Variants in NXPE2 observed in about 807,000 individuals in gnomAD.
The protein encoded by NXPE2 is neurexophilin and PC-esterase domain family member 2.
A neutral mutation model predicts 34.4 loss-of-function variants in NXPE2; 34 were observed. That is an observed-to-expected ratio of 0.99 (90% CI 0.75 to 1.31). The LOEUF is 1.31. Among genes scored for constraint, NXPE2 ranks in the 40% most tolerant of loss-of-function variants. The pLI, the probability that NXPE2 is intolerant of heterozygous loss-of-function variation, is 0.00. For missense variants in NXPE2, 649 were observed against 672.5 expected (o/e 0.97, Z 0.39); for synonymous variants, 235 against 231.3 (o/e 1.02, Z -0.15).
At chr11:114,642,420 C>T in the NXPE2 span, among the ~76,000 whole-genome samples, 1 of 151,944 alleles carries the variant, frequency 6.6e-6, no homozygotes, top group East Asian at 1.9e-4. Flanking sequence ...CTATCCCTCC[C>T]CACTCCCCCC....
chr11:114,704,053 G>C lies in NXPE2; in HGVS notation c.928+1G>C, dbSNP rs1951425117. ...CCCATTGAGGTCATACCATGCAACAGTAAGTCTGGAGTGTTGTTGTCTGCC... is the reference window on the plus strand; with the variant it reads ...CCCATTGAGGTCATACCATGCAACACTAAGTCTGGAGTGTTGTTGTCTGCC... On this transcript the variant is annotated splice_donor_variant, in intron 4 of 5. Transcript: ENST00000389586. LOFTEE classifies it high-confidence loss of function. 7 of 1,548,494 alleles carry C rather than the reference G, an allele frequency of 4.5e-6. No individual in the cohort carries two copies. Among genetic ancestry groups the C allele is most frequent in the Non-Finnish European group, 2.6e-6 (3 of 1,143,656 alleles).
intron 2 of NXPE2, among the ~76,000 whole-genome samples, chr11:114,697,447 G>A (rs867028079): frequency 4.6e-5 from 7 of 152,156 alleles, no homozygotes; most frequent in South Asian, 2.1e-4. Flanking sequence ...CTTGATCTCC[G>A]ACTTCTGGCC....
chr11:114,682,335 C>T (rs962989894), intron 2 of NXPE2, among the ~76,000 whole-genome samples: 2 of 152,144 alleles, frequency 1.3e-5, no homozygotes, highest in Non-Finnish European at 2.9e-5. Context: ...AGTGAACTTA[C>T]TTTATCTTTT....
At chr11:114,626,391 G>A in the NXPE2 span, among the ~76,000 whole-genome samples, 418 of 152,268 alleles carry the variant, frequency 2.7e-3, 3 homozygotes, top group Admixed American at 4.6e-3. Flanking sequence ...CAGCCTAACT[G>A]GGAGGCACCC....
At chr11:114,742,333 T>C in the NXPE2 span, among the ~76,000 whole-genome samples, 1 of 152,138 alleles carries the variant, frequency 6.6e-6, no homozygotes, top group Non-Finnish European at 1.5e-5. Flanking sequence ...ATGGAGTCCA[T>C]GGAATGGTTA....
At chr11:114,738,025 T>C in the NXPE2 span, among the ~76,000 whole-genome samples, 3 of 152,154 alleles carry the variant, frequency 2.0e-5, no homozygotes, top group South Asian at 2.1e-4. Flanking sequence ...GGGCGGAGGC[T>C]GCGGTGAGCC....
At chr11:114,778,231 A>C in the NXPE2 span, among the ~76,000 whole-genome samples, 2 of 152,284 alleles carry the variant, frequency 1.3e-5, no homozygotes, top group South Asian at 2.1e-4. Flanking sequence ...GAGTGTCCCA[A>C]ACAGAAGGAA....
the NXPE2 span, among the ~76,000 whole-genome samples, chr11:114,663,234 G>A: frequency 1.7e-4 from 26 of 152,108 alleles, no homozygotes; most frequent in African/African-American, 5.3e-4. Context: ...GGAAAAGAGG[G>A]GAGGACTGTG....
chr11:114,601,676 A>G, the NXPE2 span, among the ~76,000 whole-genome samples: 1 of 21,988 alleles, frequency 4.5e-5, no homozygotes, highest in East Asian at 1.2e-3. Flanking sequence ...ATATATTATA[A>G]TTATAGATTA....
chr11:114,550,532 T>C, the NXPE2 span, among the ~76,000 whole-genome samples: 9 of 152,236 alleles, frequency 5.9e-5, no homozygotes, highest in East Asian at 1.7e-3. Context: ...TGGAAAAAGT[T>C]AAATGAGATT....
chr11:114,499,760 T>C, the NXPE2 span, among the ~76,000 whole-genome samples: 1 of 152,178 alleles, frequency 6.6e-6, no homozygotes, highest in Non-Finnish European at 1.5e-5. Flanking sequence ...TGTTCTCTCA[T>C]GTCACCTTCC....
chr11:114,750,616 C>T, the NXPE2 span, among the ~76,000 whole-genome samples: 2 of 152,210 alleles, frequency 1.3e-5, no homozygotes, highest in Non-Finnish European at 2.9e-5. Context: ...TCTAGCCAAA[C>T]ATGACAAACA....
the NXPE2 span, among the ~76,000 whole-genome samples, chr11:114,469,804 C>G: frequency 1.3e-5 from 2 of 152,166 alleles, no homozygotes; most frequent in Admixed American, 1.3e-4. Flanking sequence ...TCCACCATTC[C>G]AAAAGTTTCC....
the NXPE2 span, among the ~76,000 whole-genome samples, chr11:114,644,121 G>A: frequency 2.6e-5 from 4 of 152,288 alleles, no homozygotes; most frequent in African/African-American, 9.6e-5. Flanking sequence ...CTGAGACTTT[G>A]CTGAAGTTGC....
the NXPE2 span, chr11:114,559,837 T>A: frequency 6.6e-6 from 1 of 152,414 alleles, no homozygotes; most frequent in Non-Finnish European, 1.5e-5. Flanking sequence ...GCTGGAAAAG[T>A]ACCTGTGAGT....
rs1029110232 is a variant in NXPE2 at position 114,682,267 on chromosome 11, C to A, written c.132+2505C>A. Among the ~76,000 whole-genome samples, 2 of 152,112 alleles carry A rather than the reference C, an allele frequency of 1.3e-5. 1 individual carries two copies. The highest frequency in any genetic ancestry group is 4.1e-4 in the South Asian group (2 of 4,828). On this transcript the variant is annotated intron_variant, in intron 2 of 5. Transcript: ENST00000389586. ...AAACCTTGTTAATCTGACATAGGGGCCCACATGCTGGTCTCGCATCAGTGT... is the reference window on the plus strand; with the variant it reads ...AAACCTTGTTAATCTGACATAGGGGACCACATGCTGGTCTCGCATCAGTGT...
At chr11:114,572,722 G>T in the NXPE2 span, among the ~76,000 whole-genome samples, 21 of 151,936 alleles carry the variant, frequency 1.4e-4, no homozygotes, top group African/African-American at 4.8e-4. Context: ...TATGCTAAAT[G>T]CCCCAACCTA....
At chr11:114,519,804 A>G in the NXPE2 span, among the ~76,000 whole-genome samples, 2 of 152,140 alleles carry the variant, frequency 1.3e-5, no homozygotes, top group African/African-American at 2.4e-5. Flanking sequence ...TAAGGTATAC[A>G]GTGTGATGTT....
chr11:114,757,273 C>T, the NXPE2 span, among the ~76,000 whole-genome samples: 1 of 151,896 alleles, frequency 6.6e-6, no homozygotes, highest in Non-Finnish European at 1.5e-5. Flanking sequence ...CCCTCCAGAG[C>T]AGATTCTTCC....
Sources: gnomAD v4.1 joint callset for allele counts (sites outside exome capture counted in the v4.1 genomes callset) on GRCh38, gnomAD v4.1.1 for gene constraint, MANE v1.5 for transcripts, NCBI Gene and HGNC (gene_info 2026-07-23, HGNC 2026-07-21) for gene names.